Variants in GCGR observed in about 807,000 individuals in gnomAD.
The protein encoded by GCGR is glucagon receptor.
GCGR carries 41 observed loss-of-function variants against 56.1 expected under a neutral mutation model. That is an observed-to-expected ratio of 0.73 (90% CI 0.57 to 0.95). The LOEUF (loss-of-function observed/expected upper bound fraction) is 0.95. GCGR is among the 40% of genes least tolerant of loss of function. The pLI is 0.00. For synonymous variants in GCGR, 278 were observed against 271.1 expected (o/e 1.03, Z -0.25); for missense variants, 595 against 638.2 (o/e 0.93, Z 0.73).
Position 81,811,973 on chromosome 17 carries a change from G to T in GCGR, c.878+27G>T, listed in dbSNP as rs538327227. ...TGAGTATGAGCGGCTGGACAGCCTG[G>T]GGAGGGACCGGGGGGCTGGGGTGCG... On this transcript the variant is annotated intron_variant, in intron 9 of 13. Transcript: ENST00000400723. The surrounding 1 kb of genome is among the most constrained non-coding windows in gnomAD (Gnocchi z 5.8). 7 of 1,536,584 alleles carry T rather than the reference G, an allele frequency of 4.6e-6. No homozygotes were observed. In the African/African-American group the frequency reaches 8.2e-5, roughly 18 times the overall value.
At position 81,811,961 on chromosome 17, in the gene GCGR, C is replaced by A. The variant is rs571334982; in HGVS notation, c.878+15C>A. 90 of 1,536,762 alleles carry A rather than the reference C, an allele frequency of 5.9e-5. 2 individuals are homozygous for A. The South Asian group carries it at 9.8e-4, about 17-fold the overall frequency. ...GAGAACGTCCAGTGAGTATGAGCGG[C>A]TGGACAGCCTGGGGAGGGACCGGGG... On this transcript the variant is annotated intron_variant, in intron 9 of 13. Coordinates refer to ENST00000400723, the MANE Select transcript of GCGR (RefSeq NM_000160.5). This position sits in a 1 kb window ranked among gnomAD's most constrained non-coding sequence, Gnocchi z 5.8.
In GCGR at chr17:81,812,897, C is replaced by T. The variant is rs2038133105; in HGVS notation, c.1128C>T (p.Thr376=). 1 of 1,535,994 alleles carries T rather than the reference C, an allele frequency of 6.5e-7. No homozygotes were observed. The highest frequency in any genetic ancestry group is 8.7e-7 in the Non-Finnish European group (1 of 1,146,772). Residue 376 remains threonine (T), a synonymous_variant, in exon 12 of 14, where the codon ACC becomes ACT. Transcript: ENST00000400723. The surrounding 1 kb of genome is among the most constrained non-coding windows in gnomAD (Gnocchi z 8.5). The part of the protein sequence containing the change: ...AFVTDEHAQG[T]LRSAKLFFDL... ...TGACGGACGAGCACGCCCAGGGCAC[C>T]CTGCGCTCCGCCAAGCTCTTCTTCG...
rs1159006887 is a variant in GCGR, at chr17:81,806,177, G to T, written c.-178+1928G>T. The stretch of plus-strand genomic sequence containing the variant: ...TCCCCCCCCGGCTCCACCCACCCCT[G>T]TTGGGGTGAGGAGCTGGAGTCTCCC... On this transcript the variant is annotated intron_variant, in intron 1 of 13. Transcript: ENST00000400723. This position sits in a 1 kb window ranked among gnomAD's most constrained non-coding sequence, Gnocchi z 6.5. Among the ~76,000 whole-genome samples the T allele has an allele frequency of 6.6e-6, 1 of 152,086 alleles. No homozygotes were observed. The highest frequency in any genetic ancestry group is 1.5e-5 in the Non-Finnish European group (1 of 67,986).
chr17:81,811,578 G>T lies in GCGR; in HGVS notation c.657+18G>T, dbSNP rs1286867645. 6.5e-7 allele frequency: 1 copy of T among 1,536,070 alleles called. No individual in the cohort carries two copies. On this transcript the variant is annotated intron_variant, in intron 7 of 13. Transcript: ENST00000400723. The surrounding 1 kb of genome is among the most constrained non-coding windows in gnomAD (Gnocchi z 5.8). ...GTGATGGAGTGAGCCCCCCTCGGCG[G>T]CCCCAGGCAGGTGGGTGGGTGGGCA...
rs2037918631 is a variant in GCGR, at chr17:81,804,859, G to GC, written c.-178+612dup. On this transcript the variant is annotated intron_variant, in intron 1 of 13. Transcript: ENST00000400723. This position sits in a 1 kb window ranked among gnomAD's most constrained non-coding sequence, Gnocchi z 8.2. ...GGCGCCCCACCACCCGGCCGACTCG[G>GC]CCACCGGGCTTATGCTCCGACTCTG... Among the ~76,000 whole-genome samples, 1 of 151,888 alleles carries GC rather than the reference G, an allele frequency of 6.6e-6. No homozygotes were observed. The highest frequency in any genetic ancestry group is 2.4e-5 in the African/African-American group (1 of 41,342).
Position 81,811,645 on chromosome 17 carries a change from T to G in GCGR, c.658-6T>G. On this transcript the variant is annotated splice_polypyrimidine_tract_variant and splice_region_variant and intron_variant, in intron 7 of 13. Transcript: ENST00000400723. This position sits in a 1 kb window ranked among gnomAD's most constrained non-coding sequence, Gnocchi z 5.8. ...CGTAGCCGCGCTCACACTGCACCTGTACCAGGCGGTGGCTGGCTGCCGTGT... is the reference window on the plus strand; with the variant it reads ...CGTAGCCGCGCTCACACTGCACCTGGACCAGGCGGTGGCTGGCTGCCGTGT... 6.5e-7 allele frequency: 1 copy of G among 1,536,300 alleles called. No individual in the cohort carries two copies. Among genetic ancestry groups the G allele is most frequent in the Non-Finnish European group, 8.7e-7 (1 of 1,146,856 alleles).
Position 81,810,527 on chromosome 17 carries a change from T to G in GCGR, c.164-298T>G. ...GAGAATGGGGGACCCCAGTGTGGGTTTGGGGCACATTTGAGATGGGGGGTC... is the reference window on the plus strand; with the variant it reads ...GAGAATGGGGGACCCCAGTGTGGGTGTGGGGCACATTTGAGATGGGGGGTC... On this transcript the variant is annotated intron_variant, in intron 3 of 13. Transcript: ENST00000400723. This position sits in a 1 kb window ranked among gnomAD's most constrained non-coding sequence, Gnocchi z 4.6. 1 of 517,242 alleles carries G rather than the reference T, an allele frequency of 1.9e-6. No homozygotes were observed. The highest frequency in any genetic ancestry group is 2.2e-5 in the South Asian group (1 of 46,076). The allele number at this position is 517,242 out of a possible 1,614,324, so 32.0% of individuals were successfully genotyped here.
In GCGR at chr17:81,808,940, CG is replaced by C; in HGVS notation, c.-78del. 3.3e-6 allele frequency: 5 copies of C among 1,498,952 alleles called. No individual in the cohort carries two copies. Among genetic ancestry groups the C allele is most frequent in the Non-Finnish European group, 4.5e-6 (5 of 1,114,246 alleles). 92.9% of individuals were successfully genotyped at this position (1,498,952 alleles called of 1,614,324 possible). ...TGCCACTCAGCTGCCCTCGGAGGAGCGTACACACCCACCAGGACTGCATTGC... is the reference window on the plus strand; with the variant it reads ...TGCCACTCAGCTGCCCTCGGAGGAGCTACACACCCACCAGGACTGCATTGC... On this transcript the variant is annotated 5_prime_UTR_variant, in exon 2 of 14. Coordinates refer to ENST00000400723, the MANE Select transcript of GCGR (RefSeq NM_000160.5).
rs2038016326 is a variant in GCGR at position 81,808,914 on chromosome 17, C to G, written c.-105C>G. On this transcript the variant is annotated 5_prime_UTR_variant, in exon 2 of 14. Transcript: ENST00000400723. Reference sequence around the variant, plus strand: ...CCAGGACGCCCCAGGCTCTGCTGCTCTGCCACTCAGCTGCCCTCGGAGGAG... The same window carrying G: ...CCAGGACGCCCCAGGCTCTGCTGCTGTGCCACTCAGCTGCCCTCGGAGGAG... 2 of 1,395,334 alleles carry G rather than the reference C, an allele frequency of 1.4e-6. No individual in the cohort carries two copies. The highest frequency in any genetic ancestry group is 5.0e-5 in the East Asian group (2 of 40,242). 86.4% of individuals were successfully genotyped at this position (1,395,334 alleles called of 1,614,324 possible). A position where few individuals can be genotyped will look rare whatever the true frequency, so the allele number is the denominator to read the frequency against.
In GCGR at chr17:81,806,558, C is replaced by A. The variant is rs960436879; in HGVS notation, c.-177-2284C>A. 6.6e-6 allele frequency among the ~76,000 whole-genome samples: 1 copy of A among 152,146 alleles called. No homozygotes were observed. Among genetic ancestry groups the A allele is most frequent in the Non-Finnish European group, 1.5e-5 (1 of 68,012 alleles). ...CTCGCTGGGGTCTCCAGACTGGCTG[C>A]CCGGCTGGAAGGTGGGGCCCTGGCA... On this transcript the variant is annotated intron_variant, in intron 1 of 13. Transcript: ENST00000400723. The surrounding 1 kb of genome is among the most constrained non-coding windows in gnomAD (Gnocchi z 6.5).
At position 81,812,490 on chromosome 17, in the gene GCGR, T is replaced by G. The variant is rs917278067; in HGVS notation, c.949-87T>G. The G allele has an allele frequency of 6.8e-6, 9 of 1,325,046 alleles. No individual in the cohort carries two copies. The African/African-American group carries it at 1.3e-4, about 19-fold the overall frequency. The allele number at this position is 1,325,046 out of a possible 1,614,324, so 82.1% of individuals were successfully genotyped here. ...GGCCTATCTTGCTGCCAGGCCCACC[T>G]GCAGGAGGGTCAGGTGGGGCCTTCC... On this transcript the variant is annotated intron_variant, in intron 10 of 13. Transcript: ENST00000400723. This position sits in a 1 kb window ranked among gnomAD's most constrained non-coding sequence, Gnocchi z 8.5.
At position 81,810,015 on chromosome 17, in the gene GCGR, GC is replaced by G; in HGVS notation, c.163+136del. 4.0e-6 allele frequency: 3 copies of G among 741,416 alleles called. No individual in the cohort carries two copies. Among genetic ancestry groups the G allele is most frequent in the East Asian group, 2.7e-5 (1 of 37,292 alleles). 45.9% of individuals were successfully genotyped at this position (741,416 alleles called of 1,614,324 possible). ...GCCAAGGGGCCCTGTCATTCCTCAG[GC>G]CCCCACCACCGTGGGCAGGTGAGGT... On this transcript the variant is annotated intron_variant, in intron 3 of 13. Coordinates refer to ENST00000400723, the MANE Select transcript of GCGR (RefSeq NM_000160.5). This position sits in a 1 kb window ranked among gnomAD's most constrained non-coding sequence, Gnocchi z 4.6.
At position 81,812,635 on chromosome 17, in the gene GCGR, G is replaced by A. The variant is rs531523452; in HGVS notation, c.1007G>A (p.Arg336Gln). ...CTGCTCGTGGCCAAGCTGCGGGCAC[G>A]GCAGATGCACCACACAGACTACAAG... ...VQLLVAKLRA[R>Q]QMHHTDYKFR... The change falls in exon 11 of 14, where the codon CGG (arginine) becomes CAG (glutamine). Residue 336 changes from arginine (R) to glutamine (Q), a missense_variant. Arg to Gln is a conservative substitution (Grantham distance 43). Coordinates refer to ENST00000400723, the MANE Select transcript of GCGR (RefSeq NM_000160.5). This position sits in a 1 kb window ranked among gnomAD's most constrained non-coding sequence, Gnocchi z 8.5. 252 of 1,536,390 alleles carry A rather than the reference G, an allele frequency of 1.6e-4. 4 individuals carry two copies. The South Asian group carries it at 2.3e-3, about 14-fold the overall frequency.
chr17:81,813,678 AG>A lies in GCGR; in HGVS notation c.1424del (p.Ser475ThrfsTer11). 6.5e-7 allele frequency: 1 copy of A among 1,535,210 alleles called. No individual in the cohort carries two copies. The highest frequency in any genetic ancestry group is 1.9e-4 in the Middle Eastern group (1 of 5,232). On this transcript the variant is annotated frameshift_variant, in exon 14 of 14. Transcript: ENST00000400723. LOFTEE classifies it high-confidence loss of function. The surrounding 1 kb of genome is among the most constrained non-coding windows in gnomAD (Gnocchi z 5.3). The part of the protein sequence containing the change: ...LAGGLPRLAE[S>X]PF ...TGGTGGCCTCCCTAGATTGGCTGAG[AG>A]CCCCTTCTGAACCCTGCTGGGACCC...
Position 81,804,609 on chromosome 17 carries a change from G to C in GCGR, c.-178+360G>C, listed in dbSNP as rs2037910171. On this transcript the variant is annotated intron_variant, in intron 1 of 13. Transcript: ENST00000400723. The surrounding 1 kb of genome is among the most constrained non-coding windows in gnomAD (Gnocchi z 8.2). ...CAGGGCCCCGGGCCCCGCCGCCCTG[G>C]GGAGCGCACAAAGCGCCGCGGACGC... Among the ~76,000 whole-genome samples, 2 of 151,960 alleles carry C rather than the reference G, an allele frequency of 1.3e-5. No individual in the cohort carries two copies. The highest frequency in any genetic ancestry group is 4.8e-5 in the African/African-American group (2 of 41,400).
intron 2 of GCGR, 81 bp downstream of exon 2, chr17:81,809,159 CCTGCCTGCCTGT>C (rs907297306): frequency 1.8e-5 from 26 of 1,449,276 alleles, no homozygotes; most frequent in African/African-American, 7.1e-5. Flanking sequence ...TGCCTGCCTG[CCTGCCTGCCTGT>C]CTGCCTGCCT....
chr17:81,813,150 C>G lies in GCGR; in HGVS notation c.1218+93C>G. 1 of 1,517,030 alleles carries G rather than the reference C, an allele frequency of 6.6e-7. No individual in the cohort carries two copies. 94.0% of individuals were successfully genotyped at this position (1,517,030 alleles called of 1,614,324 possible). A position where few individuals can be genotyped will look rare whatever the true frequency, so the allele number is the denominator to read the frequency against. ...CAGGGATGCCAGCCCCACCCCTGCC[C>G]GGGGGTTGGAACACGTGGGGCCCAA... On this transcript the variant is annotated intron_variant, in intron 13 of 13. Transcript: ENST00000400723. The surrounding 1 kb of genome is among the most constrained non-coding windows in gnomAD (Gnocchi z 5.3).
At chr17:81,809,352 C>T (rs2038032574) in intron 2 of GCGR, among the ~76,000 whole-genome samples, 1 of 148,120 alleles carries the variant, frequency 6.8e-6, no homozygotes, top group Admixed American at 6.7e-5. Context: ...GCCTGTCTGT[C>T]GGCCTGCCTG....
At position 81,811,321 on chromosome 17, in the gene GCGR, G is replaced by A. The variant is rs1222914520; in HGVS notation, c.493G>A (p.Gly165Ser). Residue 165 changes from glycine (G) to serine (S), a missense_variant, in exon 6 of 14, where the codon GGC (glycine) becomes AGC (serine). Transcript: ENST00000400723. This position sits in a 1 kb window ranked among gnomAD's most constrained non-coding sequence, Gnocchi z 5.8. ...GCTCCTCGCCTTGGCCATCCTGGGGGGCCTCAGGTAGGATTCCGCCAGCGC... is the reference window on the plus strand; with the variant it reads ...GCTCCTCGCCTTGGCCATCCTGGGGAGCCTCAGGTAGGATTCCGCCAGCGC... ...ALLLALAILG[G>S]LSKLHCTRNA... 6.5e-7 allele frequency: 1 copy of A among 1,534,968 alleles called. No individual in the cohort carries two copies. Among genetic ancestry groups the A allele is most frequent in the Non-Finnish European group, 8.7e-7 (1 of 1,145,948 alleles).
Sources: allele counts gnomAD v4.1 joint callset (sites outside exome capture counted in the v4.1 genomes callset), GRCh38; gene constraint gnomAD v4.1.1; non-coding constraint Gnocchi (gnomAD v3.1); transcripts MANE v1.5; gene names NCBI Gene and HGNC (gene_info 2026-07-23, HGNC 2026-07-21).